Variants in MYO15A observed in about 807,000 individuals in gnomAD.
MYO15A encodes the protein unconventional myosin-XV.
Under a neutral mutation model 394.6 loss-of-function variants are expected in MYO15A, and 308 were observed. That is an observed-to-expected ratio of 0.78 (90% CI 0.71 to 0.86). MYO15A has a LOEUF of 0.86. MYO15A is among the 40% of genes least tolerant of loss of function. MYO15A has a pLI of 0.00. For synonymous variants in MYO15A, 1,957 were observed against 2,003.8 expected, an observed-to-expected ratio of 0.98 and a Z score of 0.62; for missense variants, 4,606 against 4,799.1, an observed-to-expected ratio of 0.96 and a Z score of 1.19.
chr17:18,125,225 C>T lies in MYO15A; in HGVS notation c.3750C>T (p.Leu1250=). ...TCAAGATTAGATTTGAACGGAACCT[C>T]ATCTACGTAAGGCCTGGGGCTGGCC... is the stretch of plus-strand genomic sequence containing the variant. ...SNLKIRFERN[L]IYTYIGSILV... is the part of the protein sequence containing the mutation. The change falls in exon 4 of 66, where the codon CTC becomes CTT. Residue 1250 remains leucine (L), a synonymous_variant. Coordinates refer to ENST00000647165, the MANE Select transcript of MYO15A (RefSeq NM_016239.4). The T allele has an allele frequency of 6.2e-7, 1 of 1,614,106 alleles. No individual in the cohort carries two copies. The highest frequency in any genetic ancestry group is 8.5e-7 in the Non-Finnish European group (1 of 1,180,020).
intron 21 of MYO15A, 92 bp downstream of exon 21, chr17:18,140,924 T>A (rs2046367075): frequency 4.3e-6 from 7 of 1,612,626 alleles, no homozygotes; most frequent in Non-Finnish European, 5.1e-6. Flanking sequence ...AGGACCTGCA[T>A]CTGCCCAGCC....
At position 18,151,102 on chromosome 17, in the gene MYO15A, C is replaced by A. The variant is rs749629059; in HGVS notation, c.7474-8C>A. The A allele has an allele frequency of 5.6e-6, 9 of 1,613,870 alleles. No homozygotes were observed. Among genetic ancestry groups the A allele is most frequent in the African/African-American group, 1.3e-5 (1 of 75,058 alleles). ...AGGCAGCCCACCCTCACGTCCTGTTCTCCACAGAAACCCCCAGCACCAGAG... is the reference window on the plus strand; with the variant it reads ...AGGCAGCCCACCCTCACGTCCTGTTATCCACAGAAACCCCCAGCACCAGAG... On this transcript the variant is annotated splice_polypyrimidine_tract_variant and splice_region_variant and intron_variant, in intron 38 of 65. Coordinates refer to ENST00000647165, the MANE Select transcript of MYO15A (RefSeq NM_016239.4).
chr17:18,140,535 T>G lies in MYO15A; in HGVS notation c.5230T>G (p.Ser1744Ala), dbSNP rs764831105. Residue 1744 changes from serine (S) to alanine (A), a missense_variant, in exon 20 of 66, where the codon TCC becomes GCC. Ser to Ala is a moderately conservative substitution (Grantham distance 99). Around this residue, in one of 2 missense-constraint regions of MYO15A, gnomAD observed 2,776 missense variants for 3,109.3 expected, o/e 0.89. Coordinates refer to ENST00000647165, the MANE Select transcript of MYO15A (RefSeq NM_016239.4). ...SRTRVVAHLF[S>A]SHAPQAAPQR... ...TGCCCAGGTGGTGGCACACCTCTTC[T>G]CCAGCCATGCCCCACAGGCTGCCCC... The G allele has an allele frequency of 3.7e-5, 59 of 1,613,426 alleles. 1 individual carries two copies. The highest frequency in any genetic ancestry group is 3.4e-6 in the Non-Finnish European group (4 of 1,180,038).
In MYO15A at chr17:18,159,680, G is replaced by A; in HGVS notation, c.9303+1G>A. On this transcript the variant is annotated splice_donor_variant, in intron 55 of 65. Transcript: ENST00000647165. LOFTEE classifies it high-confidence loss of function. ...GGACGTGCTTTGTAACCTCCTGAAG[G>A]TCAGTCCAGCCAACTTTGCCAGATG... The A allele has an allele frequency of 6.2e-7, 1 of 1,614,112 alleles. No homozygotes were observed. Among genetic ancestry groups the A allele is most frequent in the Non-Finnish European group, 8.5e-7 (1 of 1,180,018 alleles).
chr17:18,136,837 C>A, intron 15 of MYO15A, 151 bp downstream of exon 15: 1 of 1,232,112 alleles, frequency 8.1e-7, no homozygotes, highest in Non-Finnish European at 1.1e-6. Flanking sequence ...TCTCCCTTGT[C>A]TCCTTCCATT....
intron 4 of MYO15A, chr17:18,125,461 G>T (rs571655365): frequency 5.5e-6 from 3 of 542,762 alleles, no homozygotes; most frequent in Non-Finnish European, 1.0e-5. Flanking sequence ...TTGGGAGACC[G>T]AGGCAGGTGG....
At chr17:18,158,400 A>ATGGG (rs2046720684) in intron 51 of MYO15A, 123 bp from the exon 52 acceptor site, 3 of 651,332 alleles carry the variant, frequency 4.6e-6, no homozygotes, top group South Asian at 3.5e-5. Context: ...GTCCACAGGG[A>ATGGG]TGGGTGGGTG....
At chr17:18,125,040 T>C (rs906692195) in intron 3 of MYO15A, 128 bp from the exon 4 acceptor site, 2 of 872,704 alleles carry the variant, frequency 2.3e-6, no homozygotes, top group Admixed American at 3.5e-5. Context: ...GTCTCCTAGC[T>C]GGTTGGTGTC....
chr17:18,113,862 A>G (rs1221245894), intron 1 of MYO15A, among the ~76,000 whole-genome samples: 1 of 150,520 alleles, frequency 6.6e-6, no homozygotes, highest in East Asian at 2.0e-4. Context: ...GAAAGGCCTC[A>G]GTAAACACTG....
chr17:18,134,204 G>A (rs2142310390), intron 12 of MYO15A, among the ~76,000 whole-genome samples: 1 of 151,034 alleles, frequency 6.6e-6, no homozygotes, highest in South Asian at 2.1e-4. Context: ...TGGCCAGGAT[G>A]GTCTCGCTCT....
rs775047365 is a variant in MYO15A, at chr17:18,172,138, AC to A, written c.10217-14del. ...GAGCCCTGCCCAGCACGTAACTGCC[AC>A]CCCCTCTCCCTGCCCAGGCCTCCTC... On this transcript the variant is annotated intron_variant, in intron 63 of 65. Transcript: ENST00000647165. 3 of 1,613,630 alleles carry A rather than the reference AC, an allele frequency of 1.9e-6. No homozygotes were observed. The highest frequency in any genetic ancestry group is 2.2e-5 in the South Asian group (2 of 91,052).
rs762756203 is a variant in MYO15A at position 18,140,617 on chromosome 17, C to T, written c.5312C>T (p.Ala1771Val). ...VTRLYKAHTV[A>V]AKFQQSLLDL... ...CGGCTCTACAAGGCGCACACTGTGG[C>T]CGCCAAGTTCCAGCAGTCACTCCTG... The change falls in exon 20 of 66, where the codon GCC becomes GTC. Residue 1771 changes from alanine (A) to valine (V), a missense_variant. By Grantham distance (64) the Ala-to-Val change is moderately conservative. Transcript: ENST00000647165. 2.5e-6 allele frequency: 4 copies of T among 1,613,808 alleles called. No homozygotes were observed. The highest frequency in any genetic ancestry group is 3.4e-6 in the Non-Finnish European group (4 of 1,180,038).
At chr17:18,167,800 A>T in intron 62 of MYO15A, 77 bp downstream of exon 62, 1 of 1,586,154 alleles carries the variant, frequency 6.3e-7, no homozygotes, top group Non-Finnish European at 8.5e-7. Flanking sequence ...CCCTCCTCAG[A>T]GCTGGCAGTC....
In MYO15A at chr17:18,159,957, T is replaced by C. The variant is rs770130655; in HGVS notation, c.9326T>C (p.Met3109Thr). Residue 3109 changes from methionine to threonine, a missense_variant, in exon 56 of 66, where the codon ATG (methionine) becomes ACG (threonine). Physicochemically the swap from Met to Thr is moderately conservative, Grantham distance 81. Coordinates refer to ENST00000647165, the MANE Select transcript of MYO15A (RefSeq NM_016239.4). ...CAGCTGTGCGGGGACCATGAGGTCA[T>C]GCGGGATGAATGTTACTGCCAAGTT... is the stretch of plus-strand genomic sequence containing the variant. ...LLKLCGDHEV[M>T]RDECYCQVVK... is the part of the protein sequence containing the mutation. 3.7e-6 allele frequency: 6 copies of C among 1,614,006 alleles called. No homozygotes were observed. Among genetic ancestry groups the C allele is most frequent in the Admixed American group, 1.7e-5 (1 of 60,000 alleles).
In MYO15A at chr17:18,143,623, G is replaced by A. The variant is rs2046421837; in HGVS notation, c.5964+4G>A. On this transcript the variant is annotated splice_donor_region_variant and intron_variant, in intron 26 of 65. Transcript: ENST00000647165. ...GGCGCTGCTGTGGGAGCAGGAGGTG[G>A]GTGTGGGTCTGGGTGGCAGCAGGGC... 6.4e-7 allele frequency: 1 copy of A among 1,567,866 alleles called. No homozygotes were observed. The highest frequency in any genetic ancestry group is 8.7e-7 in the Non-Finnish European group (1 of 1,156,006).
rs768191312 is a variant in MYO15A, at chr17:18,138,284, A to G, written c.5007+38A>G. 5 of 1,604,600 alleles carry G rather than the reference A, an allele frequency of 3.1e-6. No individual in the cohort carries two copies. In the East Asian group the frequency reaches 8.9e-5, roughly 29 times the overall value. On this transcript the variant is annotated intron_variant, in intron 17 of 65. Coordinates refer to ENST00000647165, the MANE Select transcript of MYO15A (RefSeq NM_016239.4). Reference sequence around the variant, plus strand: ...CACTGTGTGAGCCTAGTCAGGTCACAGATCTCTCAGCCTCATGTCCTCATC... The same window carrying G: ...CACTGTGTGAGCCTAGTCAGGTCACGGATCTCTCAGCCTCATGTCCTCATC...
Position 18,117,133 on chromosome 17 carries a change from C to T in MYO15A, c.-219-1449C>T, listed in dbSNP as rs1340391124. Among the ~76,000 whole-genome samples, 3 of 152,208 alleles carry T rather than the reference C, an allele frequency of 2.0e-5. No individual in the cohort carries two copies. The highest frequency in any genetic ancestry group is 4.4e-5 in the Non-Finnish European group (3 of 68,040). On this transcript the variant is annotated intron_variant, in intron 1 of 65. Coordinates refer to ENST00000647165, the MANE Select transcript of MYO15A (RefSeq NM_016239.4). This position sits in a 1 kb window ranked among gnomAD's most constrained non-coding sequence, Gnocchi z 4.1. Reference sequence around the variant, plus strand: ...TTCCATCAAGCCCCACTCCCCATCCCTGTGAGACTGCCTGCACCAGGCACC... The same window carrying T: ...TTCCATCAAGCCCCACTCCCCATCCTTGTGAGACTGCCTGCACCAGGCACC...
At chr17:18,163,875 C>A in intron 60 of MYO15A, 37 bp downstream of exon 60, 2 of 1,595,464 alleles carry the variant, frequency 1.3e-6, no homozygotes, top group Admixed American at 1.7e-5. Context: ...TGGGCCCATT[C>A]CCATCCCCGG....
At chr17:18,126,995 C>T in intron 6 of MYO15A, 80 bp from the exon 7 acceptor site, 1 of 1,601,292 alleles carries the variant, frequency 6.2e-7, no homozygotes, top group Non-Finnish European at 8.6e-7. Flanking sequence ...TACATATCCT[C>T]TTGCTTCATG....
Sources: allele counts gnomAD v4.1 joint callset (sites outside exome capture counted in the v4.1 genomes callset), GRCh38; gene constraint gnomAD v4.1.1; regional missense constraint gnomAD v4.1.1; non-coding constraint Gnocchi (gnomAD v3.1); transcripts MANE v1.5; gene names NCBI Gene and HGNC (gene_info 2026-07-23, HGNC 2026-07-21).